The following CHD5 variants were observed in gnomAD, a reference collection of about 807,000 sequenced individuals.
The protein encoded by CHD5 is chromodomain helicase DNA binding protein 5.
CHD5 carries 69 observed loss-of-function variants against 230.3 expected under a neutral mutation model. The ratio of observed to expected loss-of-function variants is 0.30; its 90% CI spans 0.25 to 0.37. The LOEUF is 0.37. Ranked by LOEUF, CHD5 falls within the 10% of genes least tolerant of loss-of-function variation. CHD5 has a pLI of 1.00. For synonymous variants in CHD5, 1,064 were observed against 1,065.9 expected (o/e 1.00, Z 0.03); for missense variants, 1,827 against 2,622.8 (o/e 0.70, Z 6.63).
intron 9 of CHD5, among the ~76,000 whole-genome samples, chr1:6,148,530 C>A (rs1456214962): frequency 6.6e-6 from 1 of 152,194 alleles, no homozygotes; most frequent in Non-Finnish European, 1.5e-5. Flanking sequence ...TGTTAAAGGA[C>A]ACTATGATGG....
At chr1:6,145,373 CA>C (rs1666894590) in intron 11 of CHD5, among the ~76,000 whole-genome samples, 1 of 152,242 alleles carries the variant, frequency 6.6e-6, no homozygotes, top group South Asian at 2.1e-4. Flanking sequence ...CTAAGCCCCT[CA>C]AAAACAGAGG....
chr1:6,127,464 C>T (rs556777273), intron 25 of CHD5, among the ~76,000 whole-genome samples: 36 of 150,230 alleles, frequency 2.4e-4, no homozygotes, highest in Non-Finnish European at 3.5e-4. Context: ...CCAGCCGGGG[C>T]GACAGAGCGA....
In CHD5 at chr1:6,163,010, T is replaced by C. The variant is rs181416086; in HGVS notation, c.208-3495A>G. Reference sequence around the variant, plus strand: ...GGAAGGCACCTCCAGCAGCCTCCACTGTCTGGCAGGAGCAGCAGCGCATGC... The same window carrying C: ...GGAAGGCACCTCCAGCAGCCTCCACCGTCTGGCAGGAGCAGCAGCGCATGC... On this transcript the variant is annotated intron_variant, in intron 2 of 41. Coordinates refer to ENST00000262450, the MANE Select transcript of CHD5 (RefSeq NM_015557.3). Among the ~76,000 whole-genome samples, 1,361 of 152,308 alleles carry C rather than the reference T, an allele frequency of 8.9e-3. 21 individuals are homozygous for C. The highest frequency in any genetic ancestry group is 0.031 in the African/African-American group (1,276 of 41,564).
intron 2 of CHD5, among the ~76,000 whole-genome samples, chr1:6,161,191 G>T (rs370852232): frequency 6.6e-6 from 1 of 152,174 alleles, no homozygotes; most frequent in East Asian, 1.9e-4. Context: ...AAGGCGGGGG[G>T]CCTCCCTGGA....
At chr1:6,110,282 AC>A (rs1349107554) in intron 37 of CHD5, 111 bp downstream of exon 37, 1 of 1,252,744 alleles carries the variant, frequency 8.0e-7, no homozygotes, top group East Asian at 2.3e-5. Context: ...TGGCAGCGTG[AC>A]CCAGGTACAC....
intron 9 of CHD5, 87 bp downstream of exon 9, chr1:6,148,767 T>G: frequency 1.8e-5 from 20 of 1,131,108 alleles, no homozygotes; most frequent in Non-Finnish European, 2.3e-5. Flanking sequence ...GGCGGGGCCT[T>G]TTGAGGAGGG....
intron 38 of CHD5, among the ~76,000 whole-genome samples, chr1:6,108,889 G>GATGGAGGGGTGGAAGGATGGAGGC (rs1666240577): frequency 6.6e-6 from 1 of 151,324 alleles, no homozygotes; most frequent in African/African-American, 2.4e-5. Flanking sequence ...ATGGAGGGAT[G>GATGGAGGGGTGGAAGGATGGAGGC]ATGGAGGGGT....
chr1:6,166,593 G>T (rs1034443075), intron 2 of CHD5, among the ~76,000 whole-genome samples: 2 of 152,118 alleles, frequency 1.3e-5, no homozygotes, highest in African/African-American at 4.8e-5. Context: ...ACACAGTCCA[G>T]GGCGGGCTCT....
At chr1:6,168,376 A>G in intron 1 of CHD5, 99 bp from the exon 2 acceptor site, 1 of 1,418,114 alleles carries the variant, frequency 7.1e-7, no homozygotes, top group Non-Finnish European at 9.5e-7. Context: ...ACCCCCAGAC[A>G]CCCAACTGTG....
At chr1:6,144,411 A>C (rs570577847) in intron 11 of CHD5, among the ~76,000 whole-genome samples, 1 of 152,348 alleles carries the variant, frequency 6.6e-6, no homozygotes, top group South Asian at 2.1e-4. Context: ...GCAATGAGCC[A>C]GCCTCCCACA....
Position 6,159,569 on chromosome 1 carries a change from T to A in CHD5, c.208-54A>T, listed in dbSNP as rs1444583215. On this transcript the variant is annotated intron_variant, in intron 2 of 41. Transcript: ENST00000262450. Reference sequence around the variant, plus strand: ...ACAGAGGCCCCAGGAACATCCAGAGTCCTGGGTGGCAGGACGGCCCTGAGA... The same window carrying A: ...ACAGAGGCCCCAGGAACATCCAGAGACCTGGGTGGCAGGACGGCCCTGAGA... The A allele has an allele frequency of 2.0e-6, 3 of 1,519,010 alleles. No homozygotes were observed. In the East Asian group the frequency reaches 7.1e-5, roughly 36 times the overall value. 94.1% of individuals were successfully genotyped at this position (1,519,010 alleles called of 1,614,324 possible).
In CHD5 at chr1:6,105,089, T is replaced by C. The variant is rs1180551680; in HGVS notation, c.*385A>G. 3.1e-6 allele frequency: 1 copy of C among 326,614 alleles called. No individual in the cohort carries two copies. Among genetic ancestry groups the C allele is most frequent in the Non-Finnish European group, 6.0e-6 (1 of 167,716 alleles). The allele number at this position is 326,614 out of a possible 1,614,324, so 20.2% of individuals were successfully genotyped here. On this transcript the variant is annotated 3_prime_UTR_variant, in exon 42 of 42. Coordinates refer to ENST00000262450, the MANE Select transcript of CHD5 (RefSeq NM_015557.3). This position sits in a 1 kb window ranked among gnomAD's most constrained non-coding sequence, Gnocchi z 4.8. ...GACATCAGTGCTGCAGGTTCGAATC[T>C]TCCATACGTCATCCAACTTTTATCA...
rs1171362527 is a variant in CHD5 at position 6,155,749 on chromosome 1, T to G, written c.388-32A>C. 1.3e-6 allele frequency: 2 copies of G among 1,567,966 alleles called. No individual in the cohort carries two copies. Among genetic ancestry groups the G allele is most frequent in the Admixed American group, 3.3e-5 (2 of 59,918 alleles). ...AGACCCAGGCCAGAGGTAGAGTTGT[T>G]GAGGGGCCTTCTGACCTGCACCCCC... On this transcript the variant is annotated intron_variant, in intron 3 of 41. Transcript: ENST00000262450. The surrounding 1 kb of genome is among the most constrained non-coding windows in gnomAD (Gnocchi z 4.0).
intron 7 of CHD5, among the ~76,000 whole-genome samples, chr1:6,149,658 A>C (rs1021449833): frequency 1.3e-5 from 2 of 152,142 alleles, no homozygotes; most frequent in African/African-American, 4.8e-5. Flanking sequence ...TGAATGGATA[A>C]ATGGATGATG....
intron 1 of CHD5, among the ~76,000 whole-genome samples, chr1:6,170,537 C>A (rs1447532913): frequency 3.3e-5 from 5 of 152,304 alleles, no homozygotes; most frequent in African/African-American, 1.2e-4. Flanking sequence ...GGGGGCTGCA[C>A]CACTGTCTTG....
At chr1:6,169,047 A>T (rs2100882938) in intron 1 of CHD5, among the ~76,000 whole-genome samples, 1 of 151,332 alleles carries the variant, frequency 6.6e-6, no homozygotes, top group Admixed American at 6.6e-5. Context: ...GAGAGAGAGA[A>T]TTGTGGAGCA....
chr1:6,159,080 C>T (rs547242274), intron 3 of CHD5, among the ~76,000 whole-genome samples: 3 of 142,838 alleles, frequency 2.1e-5, no homozygotes, highest in East Asian at 2.1e-4. Context: ...ACTAAAAATA[C>T]AAAAATTAGC....
chr1:6,137,941 G>A (rs1448865359), intron 15 of CHD5, among the ~76,000 whole-genome samples: 1 of 150,008 alleles, frequency 6.7e-6, no homozygotes, highest in Non-Finnish European at 1.5e-5. Context: ...CCCCCTGGTG[G>A]GGGCCTGGAC....
At chr1:6,148,778 C>A (rs1288709121) in intron 9 of CHD5, 76 bp downstream of exon 9, 1 of 1,274,744 alleles carries the variant, frequency 7.8e-7, no homozygotes, top group Non-Finnish European at 1.0e-6. Flanking sequence ...TTGAGGAGGG[C>A]AGGCCTTCCC....
Sources: allele counts gnomAD v4.1 joint callset (sites outside exome capture counted in the v4.1 genomes callset), GRCh38; gene constraint gnomAD v4.1.1; non-coding constraint Gnocchi (gnomAD v3.1); transcripts MANE v1.5; gene names NCBI Gene and HGNC (gene_info 2026-07-23, HGNC 2026-07-21).